SCNN1B: variants seen among roughly 807,000 people sequenced by gnomAD.
The protein encoded by SCNN1B is epithelial sodium channel subunit beta.
A neutral mutation model predicts 65.3 loss-of-function variants in SCNN1B; 46 were observed. The observed-to-expected ratio is 0.70, with a 90% CI of 0.56 to 0.90. SCNN1B has a LOEUF of 0.90. Among genes scored for constraint, SCNN1B ranks in the 40% least tolerant of loss-of-function variants. The probability of loss-of-function intolerance (pLI) is 0.00; values close to 1 mark genes in which losing one functional copy is unlikely to be tolerated. For synonymous variants in SCNN1B, 349 were observed against 330.6 expected, an observed-to-expected ratio of 1.06 and a Z score of -0.60; for missense variants, 751 against 830.5, an observed-to-expected ratio of 0.90 and a Z score of 1.18.
At chr16:23,313,158 TGATGGATG>T (rs1005412817) in intron 1 of SCNN1B, among the ~76,000 whole-genome samples, 1 of 152,140 alleles carries the variant, frequency 6.6e-6, no homozygotes, top group African/African-American at 2.4e-5. Context: ...AATGAATGAA[TGATGGATG>T]GATGGATGGA....
chr16:23,362,783 G>T (rs1962578930), intron 4 of SCNN1B, among the ~76,000 whole-genome samples: 1 of 152,244 alleles, frequency 6.6e-6, no homozygotes, highest in African/African-American at 2.4e-5. Context: ...ACAGTTCCTT[G>T]GGAACACTGT....
At chr16:23,322,300 T>G (rs1961605402) in intron 1 of SCNN1B, among the ~76,000 whole-genome samples, 1 of 151,962 alleles carries the variant, frequency 6.6e-6, no homozygotes, top group African/African-American at 2.4e-5. Flanking sequence ...AATTTAAAAT[T>G]TTTTTCATTT....
intron 4 of SCNN1B, among the ~76,000 whole-genome samples, chr16:23,363,012 C>A (rs576381608): frequency 1.3e-5 from 2 of 152,184 alleles, no homozygotes; most frequent in Non-Finnish European, 2.9e-5. Flanking sequence ...ACTTAGCCAT[C>A]GCTTACTTGT....
chr16:23,309,583 G>A (rs955461274), intron 1 of SCNN1B, among the ~76,000 whole-genome samples: 5 of 152,322 alleles, frequency 3.3e-5, no homozygotes, highest in Middle Eastern at 3.4e-3. Context: ...GTTTGAAAGC[G>A]GGAAGGGTCC....
chr16:23,306,216 C>G (rs1223713657), intron 1 of SCNN1B, among the ~76,000 whole-genome samples: 1 of 150,906 alleles, frequency 6.6e-6, no homozygotes. Flanking sequence ...GCACTCTAGC[C>G]TGGGAGACAA....
intron 2 of SCNN1B, among the ~76,000 whole-genome samples, chr16:23,349,294 A>C (rs903478924): frequency 1.3e-5 from 2 of 152,106 alleles, no homozygotes; most frequent in Non-Finnish European, 2.9e-5. Flanking sequence ...CCTGGGCAAC[A>C]TAGCAAGATC....
intron 5 of SCNN1B, among the ~76,000 whole-genome samples, chr16:23,368,264 C>A (rs948767627): frequency 2.6e-5 from 4 of 152,084 alleles, no homozygotes; most frequent in Admixed American, 1.3e-4. Context: ...TTCAGCCAGG[C>A]GTGGTGGCTC....
At chr16:23,316,082 A>G (rs1363864763) in intron 1 of SCNN1B, among the ~76,000 whole-genome samples, 1 of 151,074 alleles carries the variant, frequency 6.6e-6, no homozygotes, top group Non-Finnish European at 1.5e-5. Flanking sequence ...CATCAGGATC[A>G]CCATCACCAC....
chr16:23,333,089 G>GT (rs1426707870), intron 1 of SCNN1B, among the ~76,000 whole-genome samples: 1 of 125,662 alleles, frequency 8.0e-6, no homozygotes, highest in Non-Finnish European at 1.6e-5. Flanking sequence ...AGAAGAAGAA[G>GT]AAAGGGAGGA....
chr16:23,298,129 T>G (rs963326681), upstream of SCNN1B, among the ~76,000 whole-genome samples: 39 of 152,164 alleles, frequency 2.6e-4, no homozygotes, highest in Non-Finnish European at 4.0e-4. Flanking sequence ...GAACATTTTT[T>G]GGGGGGTCCC....
intron 1 of SCNN1B, among the ~76,000 whole-genome samples, chr16:23,330,653 G>T (rs540533205): frequency 1.6e-3 from 239 of 152,132 alleles, no homozygotes; most frequent in Non-Finnish European, 2.8e-3. Flanking sequence ...GTTCACTGCA[G>T]CCTCCAACCC....
chr16:23,346,949 A>T (rs1962203182), intron 1 of SCNN1B, among the ~76,000 whole-genome samples: 1 of 152,146 alleles, frequency 6.6e-6, no homozygotes, highest in African/African-American at 2.4e-5. Flanking sequence ...AAACTGAAGG[A>T]CTGAGAAGGA....
At chr16:23,323,067 G>A (rs189466075) in intron 1 of SCNN1B, among the ~76,000 whole-genome samples, 139 of 151,950 alleles carry the variant, frequency 9.1e-4, no homozygotes, top group African/African-American at 3.1e-3. Flanking sequence ...CACCATGGGC[G>A]CATGCCTGTA....
chr16:23,377,921 G>A (rs772720853), intron 10 of SCNN1B, among the ~76,000 whole-genome samples: 40 of 152,270 alleles, frequency 2.6e-4, no homozygotes, highest in Non-Finnish European at 4.1e-4. Flanking sequence ...AAATAAAATC[G>A]TTTCAAAGTG....
upstream of SCNN1B, among the ~76,000 whole-genome samples, chr16:23,301,366 A>AAAAAAAAAAAG (rs796515589): frequency 3.3e-4 from 48 of 146,842 alleles, no homozygotes; most frequent in African/African-American, 1.3e-3. Flanking sequence ...TGTCAAAAAA[A>AAAAAAAAAAAG]AAAGAAAGAA....
intron 2 of SCNN1B, chr16:23,283,946 C>G (rs1172211852): frequency 1.3e-5 from 2 of 152,196 alleles, no homozygotes; most frequent in Non-Finnish European, 2.9e-5. Flanking sequence ...GGAGGTGCAG[C>G]CTCTGTTGGG....
rs115594047 is a variant in SCNN1B at position 23,350,538 on chromosome 16, A to G, written c.311+1628A>G. Among the ~76,000 whole-genome samples, 407 of 152,320 alleles carry G rather than the reference A, an allele frequency of 2.7e-3. 2 individuals are homozygous for G. Among genetic ancestry groups the G allele is most frequent in the African/African-American group, 9.1e-3 (379 of 41,568 alleles). On this transcript the variant is annotated intron_variant, in intron 2 of 12. Transcript: ENST00000343070. ...GAAGAGAGTGCCCCCAGTCTTGGAT[A>G]CAGCAGGTGCAGCTGGTGAGATGCT... is the stretch of plus-strand genomic sequence containing the variant.
chr16:23,299,855 G>A (rs1269189186), upstream of SCNN1B, among the ~76,000 whole-genome samples: 1 of 152,164 alleles, frequency 6.6e-6, no homozygotes, highest in East Asian at 1.9e-4. Flanking sequence ...ATACCCAAAG[G>A]ATTATAAATC....
In SCNN1B at chr16:23,332,538, C is replaced by T. The variant is rs958764165; in HGVS notation, c.-8-16054C>T. On this transcript the variant is annotated intron_variant, in intron 1 of 12. Transcript: ENST00000343070. ...GTAGAGACGGGATCTCACTATGTCGCCAGGCTGATCTCGTACTCCTAAGCT... is the reference window on the plus strand; with the variant it reads ...GTAGAGACGGGATCTCACTATGTCGTCAGGCTGATCTCGTACTCCTAAGCT... 1.8e-4 allele frequency among the ~76,000 whole-genome samples: 27 copies of T among 152,002 alleles called. 1 individual carries two copies. The highest frequency in any genetic ancestry group is 3.4e-4 in the Non-Finnish European group (23 of 67,988).
Sources: gnomAD v4.1 joint callset for allele counts (sites outside exome capture counted in the v4.1 genomes callset) on GRCh38, gnomAD v4.1.1 for gene constraint, MANE v1.5 for transcripts, NCBI Gene and HGNC (gene_info 2026-07-23, HGNC 2026-07-21) for gene names.